The following TXNDC16 variants were observed in gnomAD, a reference collection of about 807,000 sequenced individuals.
The protein encoded by TXNDC16 is thioredoxin domain-containing protein 16.
Under a neutral mutation model 85.6 loss-of-function variants are expected in TXNDC16, and 74 were observed. The observed-to-expected ratio is 0.86, with a 90% CI of 0.72 to 1.05. The LOEUF is 1.05. TXNDC16 is among the 50% of genes least tolerant of loss of function. The pLI is 0.00. For missense variants in TXNDC16, 959 were observed against 947.0 expected (o/e 1.01, Z -0.17); for synonymous variants, 335 against 326.5 (o/e 1.03, Z -0.28).
intron 6 of TXNDC16, among the ~76,000 whole-genome samples, chr14:52,535,078 T>A (rs954299137): frequency 6.6e-6 from 1 of 152,162 alleles, no homozygotes; most frequent in Non-Finnish European, 1.5e-5. Flanking sequence ...GGTGTCAAAT[T>A]TGGATTCATT....
intron 6 of TXNDC16, among the ~76,000 whole-genome samples, chr14:52,535,400 T>C (rs2037676906): frequency 6.6e-6 from 1 of 152,130 alleles, no homozygotes; most frequent in South Asian, 2.1e-4. Flanking sequence ...TTTGTTAACA[T>C]ATTATTGGGA....
At chr14:52,440,819 T>C in intron 18 of TXNDC16, 95 bp from the exon 19 acceptor site, 1 of 1,167,024 alleles carries the variant, frequency 8.6e-7, no homozygotes, top group Non-Finnish European at 1.2e-6. Context: ...AATTTTAGTT[T>C]GTAAAATGTA....
chr14:52,457,838 T>A (rs1480233828), intron 16 of TXNDC16, among the ~76,000 whole-genome samples: 1 of 152,256 alleles, frequency 6.6e-6, no homozygotes, highest in Non-Finnish European at 1.5e-5. Context: ...AATAGCATAC[T>A]GTGGATCTTG....
intron 6 of TXNDC16, among the ~76,000 whole-genome samples, chr14:52,529,450 T>C (rs1047257538): frequency 8.1e-5 from 12 of 148,408 alleles, no homozygotes; most frequent in East Asian, 1.9e-4. Flanking sequence ...TGTGCACATG[T>C]ACCCTAAAAC....
chr14:52,462,233 TA>T (rs1051257752), intron 16 of TXNDC16, among the ~76,000 whole-genome samples: 2 of 152,218 alleles, frequency 1.3e-5, no homozygotes, highest in Non-Finnish European at 1.5e-5. Context: ...TTTTTGTTTA[TA>T]TTTTTTTTTA....
At chr14:52,461,195 GT>G (rs1245687412) in intron 16 of TXNDC16, among the ~76,000 whole-genome samples, 13 of 151,246 alleles carry the variant, frequency 8.6e-5, no homozygotes, top group African/African-American at 3.1e-4. Flanking sequence ...ACATTTAGTA[GT>G]TTTAATTATA....
intron 9 of TXNDC16, among the ~76,000 whole-genome samples, chr14:52,504,823 C>T (rs895627997): frequency 2.0e-5 from 3 of 152,104 alleles, no homozygotes; most frequent in African/African-American, 7.2e-5. Flanking sequence ...ATTCAGGAAG[C>T]CCATCTCATG....
At chr14:52,498,436 C>T (rs944358640) in intron 9 of TXNDC16, among the ~76,000 whole-genome samples, 7 of 151,052 alleles carry the variant, frequency 4.6e-5, no homozygotes, top group African/African-American at 1.5e-4. Flanking sequence ...CACACACACA[C>T]ACTCACACAC....
At chr14:52,525,502 C>T (rs1463680347) in intron 6 of TXNDC16, among the ~76,000 whole-genome samples, 1 of 148,832 alleles carries the variant, frequency 6.7e-6, no homozygotes, top group Non-Finnish European at 1.5e-5. Flanking sequence ...ACAGCCTAAC[C>T]AACATGGTAA....
intron 12 of TXNDC16, among the ~76,000 whole-genome samples, chr14:52,483,214 T>A (rs1020898058): frequency 4.6e-5 from 7 of 152,252 alleles, no homozygotes; most frequent in African/African-American, 7.2e-5. Context: ...ACAAAGAATA[T>A]TAATAGTGCC....
intron 16 of TXNDC16, among the ~76,000 whole-genome samples, chr14:52,465,276 T>C (rs945957165): frequency 6.6e-6 from 1 of 152,034 alleles, no homozygotes; most frequent in African/African-American, 2.4e-5. Context: ...GTTTCCTAGA[T>C]AAATGGTAAG....
intron 20 of TXNDC16, among the ~76,000 whole-genome samples, chr14:52,433,585 T>A (rs2034957622): frequency 6.6e-6 from 1 of 152,148 alleles, no homozygotes; most frequent in South Asian, 2.1e-4. Context: ...TATATTGCAA[T>A]TTCCTAGAGT....
chr14:52,485,029 T>C (rs1342325070), intron 12 of TXNDC16, among the ~76,000 whole-genome samples: 1 of 152,218 alleles, frequency 6.6e-6, no homozygotes, highest in African/African-American at 2.4e-5. Flanking sequence ...AAAAGTTCAC[T>C]GTAAAACAGC....
chr14:52,436,206 CAT>C (rs1210734901), intron 20 of TXNDC16, among the ~76,000 whole-genome samples: 1 of 152,160 alleles, frequency 6.6e-6, no homozygotes, highest in Non-Finnish European at 1.5e-5. Flanking sequence ...CAAAATGTGA[CAT>C]ATCCTTGCAG....
chr14:52,454,630 C>CT lies in TXNDC16; in HGVS notation c.1842+693dup, dbSNP rs780427675. Among the ~76,000 whole-genome samples, 139 of 124,370 alleles carry CT rather than the reference C, an allele frequency of 1.1e-3. 1 individual carries two copies. The highest frequency in any genetic ancestry group is 1.8e-3 in the Non-Finnish European group (115 of 62,328). 81.6% of individuals were successfully genotyped at this position (124,370 alleles called of 152,430 possible). On this transcript the variant is annotated intron_variant, in intron 18 of 20. Coordinates refer to ENST00000281741, the MANE Select transcript of TXNDC16 (RefSeq NM_020784.3). Reference sequence around the variant, plus strand: ...ACCAGCCTGGCCAACATGGTGAAACCTTGTGTCTACTAAAAATACAAAAAA... The same window carrying CT: ...ACCAGCCTGGCCAACATGGTGAAACCTTTGTGTCTACTAAAAATACAAAAAA...
intron 12 of TXNDC16, 120 bp from the exon 13 acceptor site, chr14:52,483,085 T>A (rs764104659): frequency 8.2e-5 from 65 of 790,416 alleles, no homozygotes; most frequent in Non-Finnish European, 1.1e-4. Flanking sequence ...ATTCATCCTA[T>A]CTTAATAGTT....
chr14:52,435,233 CTA>C (rs1485786836), intron 20 of TXNDC16, among the ~76,000 whole-genome samples: 1 of 127,116 alleles, frequency 7.9e-6, no homozygotes, highest in Non-Finnish European at 1.7e-5. Context: ...GCTCAGGTTT[CTA>C]TGTTTTGAAC....
At position 52,455,437 on chromosome 14, in the gene TXNDC16, G is replaced by C. The variant is rs2035510238; in HGVS notation, c.1729C>G (p.Pro577Ala). The change falls in exon 18 of 21, where the codon CCA (proline) becomes GCA (alanine). Residue 577 changes from proline (P) to alanine (A), a missense_variant. Coordinates refer to ENST00000281741, the MANE Select transcript of TXNDC16 (RefSeq NM_020784.3). ...GTGTGTCTGGCAAGCAGCAGGGCTG[G>C]AAGACTTGCAGCATATTTGGTTGAC... ...LLSTKYAASL[P>A]ALLLARHTEG... 2 of 1,613,882 alleles carry C rather than the reference G, an allele frequency of 1.2e-6. No homozygotes were observed. The highest frequency in any genetic ancestry group is 1.7e-6 in the Non-Finnish European group (2 of 1,179,952).
At position 52,470,532 on chromosome 14, in the gene TXNDC16, A is replaced by C. The variant is rs1490680898; in HGVS notation, c.1461T>G (p.Asp487Glu). The change falls in exon 15 of 21, where the codon GAT becomes GAG. Residue 487 changes from aspartate (D) to glutamate (E), a missense_variant. By Grantham distance (45) the Asp-to-Glu change is conservative. Transcript: ENST00000281741. ...VSYAGMLGTE[D>E]LLKFIQLNRI... ...CTTACAGCTGGATAAATTTTAGGAG[A>C]TCTTCGGTTCCTAACATTCCAGCAT... The C allele has an allele frequency of 1.1e-5, 17 of 1,612,754 alleles. No individual in the cohort carries two copies. The highest frequency in any genetic ancestry group is 4.0e-5 in the African/African-American group (3 of 74,868).
Sources: allele counts gnomAD v4.1 joint callset (sites outside exome capture counted in the v4.1 genomes callset), GRCh38; gene constraint gnomAD v4.1.1; transcripts MANE v1.5; gene names NCBI Gene and HGNC (gene_info 2026-07-23, HGNC 2026-07-21).